The following IMP4 variants were observed in gnomAD, a reference collection of about 807,000 sequenced individuals.
IMP4 encodes the protein IMP U3 small nucleolar ribonucleoprotein 4.
IMP4 carries 30 observed loss-of-function variants against 42.7 expected under a neutral mutation model. The ratio of observed to expected loss-of-function variants is 0.70; its 90% CI spans 0.53 to 0.95. IMP4 has a LOEUF of 0.95. Ranked by LOEUF, IMP4 falls within the 40% of genes least tolerant of loss-of-function variation. The pLI is 0.00. For synonymous variants in IMP4, 165 were observed against 165.2 expected (o/e 1.00, Z 0.01); for missense variants, 382 against 411.4 (o/e 0.93, Z 0.62).
chr2:130,342,953 T>A lies in IMP4; in HGVS notation c.3+18T>A. ...TCAAGATGGTAGGAGAATGAGCTCC[T>A]GTTTCGGAGGTCCGGGGCGCGTGAA... On this transcript the variant is annotated intron_variant, in intron 1 of 8. Coordinates refer to ENST00000259239, the MANE Select transcript of IMP4 (RefSeq NM_033416.3). 1.2e-6 allele frequency: 2 copies of A among 1,614,158 alleles called. No individual in the cohort carries two copies. The highest frequency in any genetic ancestry group is 1.7e-6 in the Non-Finnish European group (2 of 1,179,990).
rs1679660760 is a variant in IMP4, at chr2:130,347,417, T to C, written c.*949T>C. The C allele has an allele frequency of 6.6e-6, 1 of 152,240 alleles. No individual in the cohort carries two copies. 9.4% of individuals were successfully genotyped at this position (152,240 alleles called of 1,614,324 possible). ...TCTCTCATTGCGGTTTTGATTTGCATTTCCCTAACGGTTGGTGATACTGAG... is the reference window on the plus strand; with the variant it reads ...TCTCTCATTGCGGTTTTGATTTGCACTTCCCTAACGGTTGGTGATACTGAG... On this transcript the variant is annotated 3_prime_UTR_variant, in exon 9 of 9. Coordinates refer to ENST00000259239, the MANE Select transcript of IMP4 (RefSeq NM_033416.3).
Position 130,342,928 on chromosome 2 carries a change from T to C in IMP4, c.-5T>C, listed in dbSNP as rs1470604275. 1.2e-6 allele frequency: 2 copies of C among 1,613,904 alleles called. No homozygotes were observed. The highest frequency in any genetic ancestry group is 8.5e-7 in the Non-Finnish European group (1 of 1,179,998). ...TCCCGGACCCACGTGGAAGCGGCAC[T>C]CAAGATGGTAGGAGAATGAGCTCCT... On this transcript the variant is annotated 5_prime_UTR_variant, in exon 1 of 9. Coordinates refer to ENST00000259239, the MANE Select transcript of IMP4 (RefSeq NM_033416.3).
intron 2 of IMP4, 35 bp downstream of exon 2, chr2:130,343,229 A>T (rs774036320): frequency 5.8e-6 from 8 of 1,380,296 alleles, no homozygotes; most frequent in Non-Finnish European, 7.1e-6. Context: ...CTGCGTGGTA[A>T]ACCACCCCGG....
At chr2:130,343,948 A>G (rs982478724) in intron 2 of IMP4, among the ~76,000 whole-genome samples, 9 of 152,214 alleles carry the variant, frequency 5.9e-5, no homozygotes, top group African/African-American at 1.9e-4. Flanking sequence ...CGCTGTGGGC[A>G]TCGTGACCAA....
rs759384328 is a variant in IMP4 at position 130,345,613 on chromosome 2, G to A, written c.353G>A (p.Arg118Gln). Reference sequence around the variant, plus strand: ...GGCGCCCAGCGAATGAACCGAGGTCGACATGAAGTGGGGGCACTGGTGCGA... The same window carrying A: ...GGCGCCCAGCGAATGAACCGAGGTCAACATGAAGTGGGGGCACTGGTGCGA... Reference protein sequence around the residue: ...FPGAQRMNRGRHEVGALVRAC... With the variant: ...FPGAQRMNRGQHEVGALVRAC... Residue 118 changes from arginine (R) to glutamine (Q), a missense_variant, in exon 5 of 9, where the codon CGA becomes CAA. Arg to Gln is a conservative substitution (Grantham distance 43). Transcript: ENST00000259239. This position sits in a 1 kb window ranked among gnomAD's most constrained non-coding sequence, Gnocchi z 4.9. The A allele has an allele frequency of 8.1e-6, 13 of 1,614,154 alleles. No homozygotes were observed. Among genetic ancestry groups the A allele is most frequent in the East Asian group, 2.2e-5 (1 of 44,868 alleles).
chr2:130,346,003 T>C lies in IMP4; in HGVS notation c.595-15T>C, dbSNP rs746400970. The C allele has an allele frequency of 4.0e-5, 65 of 1,613,984 alleles. No individual in the cohort carries two copies. The highest frequency in any genetic ancestry group is 1.0e-4 in the Admixed American group (6 of 59,996). Reference sequence around the variant, plus strand: ...CATTTGCCACTCTGTTTCCCTCTCTTTCCTTGTGCCCCAGGTCTCTGACAT... The same window carrying C: ...CATTTGCCACTCTGTTTCCCTCTCTCTCCTTGTGCCCCAGGTCTCTGACAT... On this transcript the variant is annotated splice_polypyrimidine_tract_variant and intron_variant, in intron 6 of 8. Transcript: ENST00000259239.
At chr2:130,346,314 G>A (rs1679566989) in intron 8 of IMP4, 40 bp downstream of exon 8, 10 of 1,610,728 alleles carry the variant, frequency 6.2e-6, no homozygotes, top group Admixed American at 1.7e-5. Flanking sequence ...GGTGGGGAGG[G>A]GAGGCTGGCT....
rs771501380 is a variant in IMP4 at position 130,346,130 on chromosome 2, GC to G, written c.689+22del. ...TCATTCCGGTGGGTCCACGGGCCAT[GC>G]CCCAGGAAAGCATCCCCACCCTGTG... is the stretch of plus-strand genomic sequence containing the variant. On this transcript the variant is annotated intron_variant, in intron 7 of 8. Coordinates refer to ENST00000259239, the MANE Select transcript of IMP4 (RefSeq NM_033416.3). 1,634 of 1,613,656 alleles carry G rather than the reference GC, an allele frequency of 1.0e-3. 3 individuals are homozygous for G. Among genetic ancestry groups the G allele is most frequent in the South Asian group, 1.2e-3 (110 of 91,078 alleles).
chr2:130,342,976 G>A, intron 1 of IMP4, 41 bp downstream of exon 1: 1 of 1,614,110 alleles, frequency 6.2e-7, no homozygotes, highest in Non-Finnish European at 8.5e-7. Context: ...CGGGGCGCGT[G>A]AAGTGCTGGG....
chr2:130,346,521 C>T lies in IMP4; in HGVS notation c.*53C>T. 8.1e-7 allele frequency: 1 copy of T among 1,228,110 alleles called. No homozygotes were observed. Among genetic ancestry groups the T allele is most frequent in the Non-Finnish European group, 1.2e-6 (1 of 855,642 alleles). The allele number at this position is 1,228,110 out of a possible 1,614,324, so 76.1% of individuals were successfully genotyped here. On this transcript the variant is annotated 3_prime_UTR_variant, in exon 9 of 9. Coordinates refer to ENST00000259239, the MANE Select transcript of IMP4 (RefSeq NM_033416.3). ...GACTTGGAACTCAGGATGGGGCTGT[C>T]ATAGACAGACCCACCAGTAGGAACT...
At chr2:130,344,469 G>A (rs1289689303) in intron 2 of IMP4, among the ~76,000 whole-genome samples, 160 bp from the exon 3 acceptor site, 1 of 152,254 alleles carries the variant, frequency 6.6e-6, no homozygotes, top group Non-Finnish European at 1.5e-5. Context: ...GGGTTGGCCT[G>A]TAGAAAGTTT....
chr2:130,343,185 G>A lies in IMP4; in HGVS notation c.103G>A (p.Ala35Thr), dbSNP rs772181665. The change falls in exon 2 of 9, where the codon GCG becomes ACG. Residue 35 changes from alanine (A) to threonine (T), a missense_variant. Coordinates refer to ENST00000259239, the MANE Select transcript of IMP4 (RefSeq NM_033416.3). ...AQERKERLRR[A>T]LEENRLIPTE... ...GGAGAGGAAGGAGCGGCTGCGGCGCGCGCTGGAAGGTAAGGCATCGGCCCC... is the reference window on the plus strand; with the variant it reads ...GGAGAGGAAGGAGCGGCTGCGGCGCACGCTGGAAGGTAAGGCATCGGCCCC... 59 of 1,547,518 alleles carry A rather than the reference G, an allele frequency of 3.8e-5. No homozygotes were observed. The highest frequency in any genetic ancestry group is 2.7e-4 in the South Asian group (23 of 84,214).
rs1166800804 is a variant in IMP4, at chr2:130,343,165, G to C, written c.83G>C (p.Arg28Thr). The C allele has an allele frequency of 1.9e-6, 3 of 1,549,968 alleles. No homozygotes were observed. Among genetic ancestry groups the C allele is most frequent in the Admixed American group, 2.0e-5 (1 of 51,004 alleles). The change falls in exon 2 of 9, where the codon AGG (arginine) becomes ACG (threonine). Residue 28 changes from arginine to threonine, a missense_variant. Coordinates refer to ENST00000259239, the MANE Select transcript of IMP4 (RefSeq NM_033416.3). ...GAGGCGCAGCGCTCAGCCCAGGAGA[G>C]GAAGGAGCGGCTGCGGCGCGCGCTG... ...REEAQRSAQERKERLRRALEE... is the reference protein window; with the variant it reads ...REEAQRSAQETKERLRRALEE...
In IMP4 at chr2:130,347,492, C is replaced by T. The variant is rs1558834089; in HGVS notation, c.*1024C>T. Reference sequence around the variant, plus strand: ...TGTTCTTTGTTGTTGACTTGAGTCCCTTATATAGTTTGGATACTGCTGTGG... The same window carrying T: ...TGTTCTTTGTTGTTGACTTGAGTCCTTTATATAGTTTGGATACTGCTGTGG... On this transcript the variant is annotated 3_prime_UTR_variant, in exon 9 of 9. Transcript: ENST00000259239. The T allele has an allele frequency of 2.0e-5, 3 of 152,116 alleles. No individual in the cohort carries two copies. Among genetic ancestry groups the T allele is most frequent in the African/African-American group, 7.2e-5 (3 of 41,410 alleles). The allele number at this position is 152,116 out of a possible 1,614,324, so 9.4% of individuals were successfully genotyped here.
rs1378715658 is a variant in IMP4, at chr2:130,343,074, C to T, written c.4-12C>T. Reference sequence around the variant, plus strand: ...AGCGAGTAGTGAGTGACTGGGCCTGCTGTTCCCACAGCTGCGCCGCGAGGC... The same window carrying T: ...AGCGAGTAGTGAGTGACTGGGCCTGTTGTTCCCACAGCTGCGCCGCGAGGC... On this transcript the variant is annotated splice_polypyrimidine_tract_variant and intron_variant, in intron 1 of 8. Coordinates refer to ENST00000259239, the MANE Select transcript of IMP4 (RefSeq NM_033416.3). The T allele has an allele frequency of 7.6e-6, 12 of 1,584,042 alleles. 1 individual carries two copies. In the South Asian group the frequency reaches 1.1e-4, roughly 15 times the overall value.
In IMP4 at chr2:130,346,896, GA is replaced by G. The variant is rs1679621839; in HGVS notation, c.*429del. On this transcript the variant is annotated 3_prime_UTR_variant, in exon 9 of 9. Transcript: ENST00000259239. Reference sequence around the variant, plus strand: ...GCCGCCAGTGTGCCAACGCGGAGGGGACAGGCCACACCCAGTGCTCAGCAGC... The same window carrying G: ...GCCGCCAGTGTGCCAACGCGGAGGGGCAGGCCACACCCAGTGCTCAGCAGC... 4.0e-6 allele frequency: 1 copy of G among 250,398 alleles called. No individual in the cohort carries two copies. The highest frequency in any genetic ancestry group is 7.9e-6 in the Non-Finnish European group (1 of 125,900). 15.5% of individuals were successfully genotyped at this position (250,398 alleles called of 1,614,324 possible).
rs1465172532 is a variant in IMP4 at position 130,342,926 on chromosome 2, A to C, written c.-7A>C. 3.7e-6 allele frequency: 6 copies of C among 1,613,946 alleles called. No individual in the cohort carries two copies. In the South Asian group the frequency reaches 6.6e-5, roughly 18 times the overall value. On this transcript the variant is annotated 5_prime_UTR_variant, in exon 1 of 9. Coordinates refer to ENST00000259239, the MANE Select transcript of IMP4 (RefSeq NM_033416.3). ...TCTCCCGGACCCACGTGGAAGCGGCACTCAAGATGGTAGGAGAATGAGCTC... is the reference window on the plus strand; with the variant it reads ...TCTCCCGGACCCACGTGGAAGCGGCCCTCAAGATGGTAGGAGAATGAGCTC...
At position 130,344,938 on chromosome 2, in the gene IMP4, C is replaced by T. The variant is rs1573839282; in HGVS notation, c.196+226C>T. On this transcript the variant is annotated intron_variant, in intron 3 of 8. Coordinates refer to ENST00000259239, the MANE Select transcript of IMP4 (RefSeq NM_033416.3). Reference sequence around the variant, plus strand: ...GACTCTGCACCTGGCTTGTTAATTACCTCCCCCACTGGAGTGCCTGCTGGG... The same window carrying T: ...GACTCTGCACCTGGCTTGTTAATTATCTCCCCCACTGGAGTGCCTGCTGGG... 6 of 587,982 alleles carry T rather than the reference C, an allele frequency of 1.0e-5. No homozygotes were observed. In the East Asian group the frequency reaches 1.1e-4, roughly 11 times the overall value. The allele number at this position is 587,982 out of a possible 1,614,324, so 36.4% of individuals were successfully genotyped here.
At chr2:130,344,589 T>C in intron 2 of IMP4, 40 bp from the exon 3 acceptor site, 1 of 1,363,110 alleles carries the variant, frequency 7.3e-7, no homozygotes, top group Non-Finnish European at 1.1e-6. Flanking sequence ...GAGGTCTCCA[T>C]GCTTGTGACT....
Sources: allele counts gnomAD v4.1 joint callset (sites outside exome capture counted in the v4.1 genomes callset), GRCh38; gene constraint gnomAD v4.1.1; non-coding constraint Gnocchi (gnomAD v3.1); transcripts MANE v1.5; gene names NCBI Gene and HGNC (gene_info 2026-07-23, HGNC 2026-07-21).